MYOF: variants seen among roughly 807,000 people sequenced by gnomAD.
MYOF encodes myoferlin.
A neutral mutation model predicts 284.2 loss-of-function variants in MYOF; 244 were observed. The ratio of observed to expected loss-of-function variants is 0.86; its 90% CI spans 0.77 to 0.95. MYOF has a LOEUF of 0.95. MYOF is among the 40% of genes least tolerant of loss of function. The pLI is 0.00. For missense variants in MYOF, 2,496 were observed against 2,560.6 expected (o/e 0.97, Z 0.54); for synonymous variants, 904 against 919.7 (o/e 0.98, Z 0.31).
intron 3 of MYOF, among the ~76,000 whole-genome samples, chr10:93,436,355 C>T (rs960822758): frequency 6.6e-6 from 1 of 152,182 alleles, no homozygotes; most frequent in African/African-American, 2.4e-5. Context: ...ATTATAAAGG[C>T]TAACCTCAAT....
At chr10:93,478,840 A>AGAAAGAAAG (rs1554875967) in intron 1 of MYOF, among the ~76,000 whole-genome samples, 40 of 78,026 alleles carry the variant, frequency 5.1e-4, no homozygotes, top group African/African-American at 1.4e-3. Context: ...AAAAAAAAAA[A>AGAAAGAAAG]AAAGAAAGAA....
At chr10:93,480,632 T>C (rs1317931911) in intron 1 of MYOF, among the ~76,000 whole-genome samples, 3 of 151,742 alleles carry the variant, frequency 2.0e-5, no homozygotes, top group Admixed American at 2.0e-4. Flanking sequence ...TGTGCCACCA[T>C]GCCCGGCTAA....
intron 1 of MYOF, among the ~76,000 whole-genome samples, chr10:93,463,250 G>T (rs754354158): frequency 3.1e-4 from 47 of 152,048 alleles, no homozygotes; most frequent in Non-Finnish European, 7.3e-5. Flanking sequence ...CAGCCAGTGT[G>T]TCAGAACCTT....
chr10:93,333,785 C>T lies in MYOF; in HGVS notation c.4692G>A (p.Glu1564=). 2.5e-6 allele frequency: 4 copies of T among 1,614,226 alleles called. No individual in the cohort carries two copies. The highest frequency in any genetic ancestry group is 3.4e-6 in the Non-Finnish European group (4 of 1,180,030). Residue 1564 remains glutamate, a synonymous_variant, in exon 42 of 54, where the codon GAG becomes GAA. Transcript: ENST00000359263. ...GGCCATTGTTGTCCTGGGGCTGGAG[C>T]TCTAAGCCTCGAACAATGTAAATCC... ...TVRIYIVRGL[E]LQPQDNNGLC...
At chr10:93,348,174 T>C (rs1844326369) in intron 36 of MYOF, among the ~76,000 whole-genome samples, 2 of 152,218 alleles carry the variant, frequency 1.3e-5, no homozygotes, top group Non-Finnish European at 2.9e-5. Flanking sequence ...TTCCCTGTGC[T>C]CTGCTTCCTG....
intron 3 of MYOF, among the ~76,000 whole-genome samples, chr10:93,433,033 A>G (rs935746055): frequency 1.1e-4 from 16 of 152,222 alleles, no homozygotes. Flanking sequence ...AACATGAAAC[A>G]TGAATGAGAG....
At position 93,420,350 on chromosome 10, in the gene MYOF, G is replaced by T. The variant is rs182275153; in HGVS notation, c.433+5721C>A. Among the ~76,000 whole-genome samples the T allele has an allele frequency of 3.3e-4, 50 of 152,326 alleles. 1 individual carries two copies. The South Asian group carries it at 9.7e-3, about 30-fold the overall frequency. On this transcript the variant is annotated intron_variant, in intron 5 of 53. Transcript: ENST00000359263. ...GGCGAATTAAGTTGCCATGGTAACA[G>T]GTTTTCAGGTCAAGCCTGGAGACTG... is the stretch of plus-strand genomic sequence containing the variant.
intron 1 of MYOF, among the ~76,000 whole-genome samples, chr10:93,476,405 C>T (rs1268097322): frequency 4.0e-5 from 6 of 151,890 alleles, no homozygotes; most frequent in African/African-American, 1.2e-4. Flanking sequence ...GGGCCCACCA[C>T]CACGCCCAGC....
intron 53 of MYOF, 49 bp downstream of exon 53, chr10:93,309,971 C>A (rs1348165991): frequency 6.2e-7 from 1 of 1,610,980 alleles, no homozygotes; most frequent in Non-Finnish European, 8.5e-7. Flanking sequence ...AGAGGACCAA[C>A]TGCAACTCAC....
chr10:93,311,588 CTAAAA>C (rs1564608471), intron 51 of MYOF, among the ~76,000 whole-genome samples: 12 of 147,836 alleles, frequency 8.1e-5, no homozygotes, highest in Admixed American at 1.3e-4. Flanking sequence ...GACTTCATCT[CTAAAA>C]AAAAAAAAAA....
intron 3 of MYOF, among the ~76,000 whole-genome samples, chr10:93,437,280 C>A (rs1390844484): frequency 1.3e-5 from 2 of 151,398 alleles, no homozygotes; most frequent in Non-Finnish European, 1.5e-5. Context: ...CTTCTTTCTT[C>A]TTCTTCTTAA....
intron 46 of MYOF, chr10:93,324,410 A>C (rs1357451341): frequency 6.6e-6 from 1 of 152,216 alleles, no homozygotes; most frequent in Non-Finnish European, 1.5e-5. Flanking sequence ...TCAGGGCTCT[A>C]CAATTCATCA....
chr10:93,389,137 C>T lies in MYOF; in HGVS notation c.1474G>A (p.Glu492Lys), dbSNP rs755311798. The T allele has an allele frequency of 6.2e-7, 1 of 1,613,886 alleles. No individual in the cohort carries two copies. Among genetic ancestry groups the T allele is most frequent in the South Asian group, 1.1e-5 (1 of 91,004 alleles). The change falls in exon 18 of 54, where the codon GAG becomes AAG. Residue 492 changes from glutamate (E) to lysine (K), a missense_variant. Glu to Lys is a moderately conservative substitution (Grantham distance 56). Transcript: ENST00000359263. The stretch of plus-strand genomic sequence containing the variant: ...CCAAACGTTGGAACAAAGCCTACCT[C>T]TGTTTCTCCTGTGTTTACTGAGAGA... ...ASYTVNTGET[E>K]VGFVPTFGPC...
chr10:93,342,240 T>C (rs1843957750), intron 38 of MYOF, among the ~76,000 whole-genome samples: 4 of 152,170 alleles, frequency 2.6e-5, no homozygotes, highest in Admixed American at 1.3e-4. Context: ...AAGGCCTGAA[T>C]TGAGGAAGTG....
intron 3 of MYOF, among the ~76,000 whole-genome samples, chr10:93,433,078 A>C (rs1564714884): frequency 6.6e-6 from 1 of 152,220 alleles, no homozygotes; most frequent in Non-Finnish European, 1.5e-5. Context: ...TGTGAAATCC[A>C]ATCAGAAAGA....
chr10:93,422,022 G>A (rs959458973), intron 5 of MYOF, among the ~76,000 whole-genome samples: 13 of 7,580 alleles, frequency 1.7e-3, no homozygotes, highest in African/African-American at 4.6e-3. Flanking sequence ...CCGAGCCCCG[G>A]CAAACATTCA....
rs1191037849 is a variant in MYOF at position 93,310,131 on chromosome 10, T to C, written c.6036A>G (p.Pro2012=). ...PETSFLWFTN[P]CKTMKFIVWR... ...ACACGATGAACTTCATGGTCTTGCA[T>C]GGGTTGGTGAACCAGAGGAAGGAGG... The change falls in exon 53 of 54, where the codon CCA becomes CCG. Residue 2012 remains proline, a synonymous_variant. Transcript: ENST00000359263. 19 of 1,614,178 alleles carry C rather than the reference T, an allele frequency of 1.2e-5. No homozygotes were observed. The East Asian group carries it at 4.2e-4, about 36-fold the overall frequency.
intron 43 of MYOF, among the ~76,000 whole-genome samples, chr10:93,332,795 C>A (rs558533794): frequency 1.3e-5 from 2 of 151,826 alleles, no homozygotes; most frequent in South Asian, 2.1e-4. Flanking sequence ...TGCAGTGAGC[C>A]GAGATCACGC....
At chr10:93,470,402 T>G (rs2057117916) in intron 1 of MYOF, among the ~76,000 whole-genome samples, 1 of 151,946 alleles carries the variant, frequency 6.6e-6, no homozygotes, top group African/African-American at 2.4e-5. Flanking sequence ...AGTTTTTGTT[T>G]TTTTGTTTTT....
Sources: allele counts gnomAD v4.1 joint callset (sites outside exome capture counted in the v4.1 genomes callset), GRCh38; gene constraint gnomAD v4.1.1; transcripts MANE v1.5; gene names NCBI Gene and HGNC (gene_info 2026-07-23, HGNC 2026-07-21).